KCTD14: variants seen among roughly 807,000 people sequenced by gnomAD.
The protein encoded by KCTD14 is BTB/POZ domain-containing protein KCTD14.
KCTD14 carries 7 observed loss-of-function variants against 5.9 expected under a neutral mutation model. The ratio of observed to expected loss-of-function variants is 1.19; its 90% confidence interval spans 0.68 to 2.23. KCTD14 has a LOEUF of 2.23. Ranked by LOEUF, KCTD14 falls within the 30% of genes most tolerant of loss-of-function variation. KCTD14 has a pLI of 0.00. For missense variants in KCTD14, 342 were observed against 332.2 expected, an observed-to-expected ratio of 1.03 and a Z score of -0.23; for synonymous variants, 140 against 133.1, an observed-to-expected ratio of 1.05 and a Z score of -0.36.
chr11:78,019,854 T>C (rs964667565), intron 1 of KCTD14, among the ~76,000 whole-genome samples: 1 of 152,206 alleles, frequency 6.6e-6, no homozygotes, highest in Non-Finnish European at 1.5e-5. Flanking sequence ...GGTTATTAAG[T>C]GATGATGTCA....
chr11:78,038,907 T>G (rs746278210), intron 1 of KCTD14: 5 of 903,972 alleles, frequency 5.5e-6, no homozygotes, highest in Non-Finnish European at 6.6e-6. Context: ...CAGGCCCGGA[T>G]GTACCAGGGG....
rs549661487 is a variant in KCTD14, at chr11:78,039,435, G to A, written c.-95-677C>T. 9.2e-5 allele frequency among the ~76,000 whole-genome samples: 14 copies of A among 152,114 alleles called. No homozygotes were observed. The East Asian group carries it at 1.2e-3, about 13-fold the overall frequency. ...TCCCAGCTACTCAGGAGGCTGAGGCGGGAGGATTGCTTGAGCCCCAGTAGT... is the reference window on the plus strand; with the variant it reads ...TCCCAGCTACTCAGGAGGCTGAGGCAGGAGGATTGCTTGAGCCCCAGTAGT... On this transcript the variant is annotated intron_variant, in intron 1 of 2. Transcript: ENST00000533144.
At chr11:78,032,333 C>T (rs12282442) in intron 2 of KCTD14, among the ~76,000 whole-genome samples, 63,525 of 152,150 alleles carry the variant, frequency 0.42, 13,523 homozygotes, top group African/African-American at 0.52. Flanking sequence ...GGCATTTCCC[C>T]AGTTCACCAG....
At chr11:78,043,848 G>A (rs1858058484) in intron 1 of KCTD14, among the ~76,000 whole-genome samples, 1 of 152,176 alleles carries the variant, frequency 6.6e-6, no homozygotes, top group Admixed American at 6.5e-5. Context: ...GGCTCGAGGT[G>A]ACAGACACCC....
chr11:78,030,224 C>A (rs560889084), intron 2 of KCTD14, among the ~76,000 whole-genome samples: 1 of 152,236 alleles, frequency 6.6e-6, no homozygotes, highest in East Asian at 1.9e-4. Flanking sequence ...AGGAAAAAAA[C>A]TCAGTTTTCC....
upstream of KCTD14, among the ~76,000 whole-genome samples, chr11:78,027,885 T>C (rs2136726744): frequency 6.6e-6 from 1 of 152,146 alleles, no homozygotes; most frequent in East Asian, 1.9e-4. Flanking sequence ...CTGACAGACT[T>C]TGTGCATGAC....
intron 1 of KCTD14, among the ~76,000 whole-genome samples, chr11:78,039,745 CAA>C (rs35580468): frequency 1.4e-3 from 192 of 138,690 alleles, no homozygotes; most frequent in Non-Finnish European, 1.3e-3. Flanking sequence ...GACCCTGTCT[CAA>C]AAAAAAAAAA....
chr11:78,022,509 T>C (rs569640741), intron 1 of KCTD14, among the ~76,000 whole-genome samples: 7 of 152,302 alleles, frequency 4.6e-5, no homozygotes, highest in African/African-American at 1.4e-4. Flanking sequence ...AGAGCCACGC[T>C]GCCCTGCTGC....
intron 2 of KCTD14, among the ~76,000 whole-genome samples, chr11:78,037,887 CT>C (rs1565317112): frequency 1.3e-5 from 2 of 151,426 alleles, no homozygotes; most frequent in East Asian, 3.9e-4. Flanking sequence ...GAATAAAGTT[CT>C]TTTTCTTGAG....
At position 78,017,243 on chromosome 11, in the gene KCTD14, C is replaced by G. The variant is rs371597243; in HGVS notation, c.118G>C (p.Gly40Arg). ...TMSTVVELNV[G>R]GEFHTTTLGT... ...AGGGTGGTGGTGTGGAACTCACCCC[C>G]GACGTTCAGCTCCACAACAGTAGAC... Residue 40 changes from glycine (G) to arginine (R), a missense_variant, in exon 2 of 2, where the codon GGG (glycine) becomes CGG (arginine). Gly to Arg is a moderately radical substitution (Grantham distance 125, BLOSUM62 -2). Transcript: ENST00000353172. 6.2e-7 allele frequency: 1 copy of G among 1,603,648 alleles called. No homozygotes were observed. The highest frequency in any genetic ancestry group is 2.2e-5 in the East Asian group (1 of 44,548).
chr11:78,025,167 T>C (rs1293280707), upstream of KCTD14, among the ~76,000 whole-genome samples: 4 of 134,318 alleles, frequency 3.0e-5, no homozygotes, highest in Non-Finnish European at 6.3e-5. Context: ...AAGGGGAGTT[T>C]ATTAAGTATT....
chr11:78,044,903 TG>T (rs1858093118), intron 1 of KCTD14, among the ~76,000 whole-genome samples: 1 of 152,162 alleles, frequency 6.6e-6, no homozygotes, highest in South Asian at 2.1e-4. Context: ...GATATTTCCT[TG>T]GTGTGGGCTG....
chr11:78,044,928 TG>T (rs1310366469), intron 1 of KCTD14, among the ~76,000 whole-genome samples: 1 of 152,180 alleles, frequency 6.6e-6, no homozygotes, highest in Non-Finnish European at 1.5e-5. Flanking sequence ...ACATGCACAG[TG>T]GCCTGCCAGC....
Position 78,017,223 on chromosome 11 carries a change from G to A in KCTD14, c.138C>T (p.Thr46=), listed in dbSNP as rs1857193175. The change falls in exon 2 of 2, where the codon ACC becomes ACT. Residue 46 remains threonine (T), a synonymous_variant. Coordinates refer to ENST00000353172, the MANE Select transcript of KCTD14 (RefSeq NM_023930.4). ...ELNVGGEFHT[T]TLGTLRKFPG... is the part of the protein sequence containing the mutation. Reference sequence around the variant, plus strand: ...GAAACTTCCTCAGGGTACCCAGGGTGGTGGTGTGGAACTCACCCCCGACGT... The same window carrying A: ...GAAACTTCCTCAGGGTACCCAGGGTAGTGGTGTGGAACTCACCCCCGACGT... The A allele has an allele frequency of 6.8e-6, 11 of 1,611,506 alleles. No individual in the cohort carries two copies. Among genetic ancestry groups the A allele is most frequent in the South Asian group, 1.1e-5 (1 of 91,000 alleles).
chr11:78,028,420 T>C (rs188275928), intron 2 of KCTD14, among the ~76,000 whole-genome samples: 189 of 152,104 alleles, frequency 1.2e-3, no homozygotes, highest in Non-Finnish European at 2.4e-3. Flanking sequence ...CTGGCCAGCA[T>C]AGTGAAACCC....
rs998922150 is a variant in KCTD14 at position 78,018,672 on chromosome 11, A to G, written c.91-1402T>C. On this transcript the variant is annotated intron_variant, in intron 1 of 1. Transcript: ENST00000353172. ...CAATGAGCTGAGATCATGCCACCGC[A>G]CTCCAGCCTGCGCGACAGAATGAGA... Among the ~76,000 whole-genome samples the G allele has an allele frequency of 5.9e-4, 90 of 151,712 alleles. 1 individual carries two copies. Among genetic ancestry groups the G allele is most frequent in the African/African-American group, 1.3e-3 (52 of 41,220 alleles).
rs372373172 is a variant in KCTD14, at chr11:78,016,870, C to T, written c.491G>A (p.Arg164Gln). ...RLARAEAITA[R>Q]KSSVLVCLVE... ...CAGGCACACAAGCACGCTGGACTTC[C>T]GTGCTGTTATGGCTTCTGCACGTGC... Residue 164 changes from arginine (R) to glutamine (Q), a missense_variant, in exon 2 of 2, where the codon CGG becomes CAG. Arg to Gln is a conservative substitution (Grantham distance 43, BLOSUM62 1). Transcript: ENST00000353172. 84 of 1,614,216 alleles carry T rather than the reference C, an allele frequency of 5.2e-5. No homozygotes were observed. The South Asian group carries it at 6.0e-4, about 12-fold the overall frequency.
intron 1 of KCTD14, chr11:78,022,824 A>T (rs556162669): frequency 1.7e-4 from 42 of 250,230 alleles, no homozygotes; most frequent in Admixed American, 4.8e-4. Flanking sequence ...GGTGGGGCAG[A>T]GGAGGAGTCG....
intron 2 of KCTD14, among the ~76,000 whole-genome samples, chr11:78,029,239 G>A (rs751319337): frequency 3.9e-5 from 6 of 151,912 alleles, no homozygotes; most frequent in Admixed American, 1.3e-4. Context: ...GGGTAAGGAC[G>A]GCTTAGAAAT....
Sources: allele counts gnomAD v4.1 joint callset (sites outside exome capture counted in the v4.1 genomes callset), GRCh38; gene constraint gnomAD v4.1.1; transcripts MANE v1.5; gene names NCBI Gene and HGNC (gene_info 2026-07-23, HGNC 2026-07-21).